TPSD1: variants seen among roughly 807,000 people sequenced by gnomAD.
TPSD1 encodes tryptase delta 1.
A neutral mutation model predicts 25.4 loss-of-function variants in TPSD1; 30 were observed. The ratio of observed to expected loss-of-function variants is 1.18; its 90% confidence interval spans 0.88 to 1.60. The LOEUF is 1.60. Ranked by LOEUF, TPSD1 falls within the 40% of genes most tolerant of loss-of-function variation. The pLI is 0.00. For synonymous variants in TPSD1, 176 were observed against 149.4 expected (o/e 1.18, Z -1.30); for missense variants, 420 against 324.2 (o/e 1.30, Z -2.27).
chr16:1,258,576 G>A lies in TPSD1; in HGVS notation c.*200G>A. On this transcript the variant is annotated 3_prime_UTR_variant, in exon 5 of 5. Coordinates refer to ENST00000211076, the MANE Select transcript of TPSD1 (RefSeq NM_012217.3). ...ACCACCACTGCTTCCTACCCAGGTG[G>A]TGACTGCCCCCCACACCTTCCCCCA... The A allele has an allele frequency of 6.5e-7, 1 of 1,532,720 alleles. No individual in the cohort carries two copies. Among genetic ancestry groups the A allele is most frequent in the Non-Finnish European group, 8.9e-7 (1 of 1,128,080 alleles). 94.9% of individuals were successfully genotyped at this position (1,532,720 alleles called of 1,614,324 possible). A position where few individuals can be genotyped will look rare whatever the true frequency, so the allele number is the denominator to read the frequency against.
rs61742230 is a variant in TPSD1 at position 1,257,025 on chromosome 16, G to A, written c.483G>A (p.Pro161=). The A allele has an allele frequency of 8.7e-4, 1,398 of 1,612,762 alleles. 9 individuals are homozygous for A. The African/African-American group carries it at 0.017, about 20-fold the overall frequency. Residue 161 remains proline (P), a synonymous_variant, in exon 3 of 5, where the codon CCG becomes CCA. Transcript: ENST00000211076. Reference sequence around the variant, plus strand: ...CGGAGACCTTCCCCCCGGGGATGCCGTGCTGGGTCACTGGCTGGGGCGACG... The same window carrying A: ...CGGAGACCTTCCCCCCGGGGATGCCATGCTGGGTCACTGGCTGGGGCGACG... ...PASETFPPGM[P]CWVTGWGDVD...
intron 3 of TPSD1, 159 bp downstream of exon 3, chr16:1,257,221 C>A: frequency 9.4e-7 from 1 of 1,066,820 alleles, no homozygotes; most frequent in Non-Finnish European, 1.3e-6. Flanking sequence ...AGCAGGTGCC[C>A]TGAGCAGAGA....
chr16:1,257,060 A>G lies in TPSD1; in HGVS notation c.518A>G (p.Asn173Ser), dbSNP rs1205027872. ...ACTGGCTGGGGCGACGTGGACAATA[A>G]TGGTGGGTGTTGGGGACAGCGGGAG... ...WVTGWGDVDNNVHLPPPYPLK... is the reference protein window; with the variant it reads ...WVTGWGDVDNSVHLPPPYPLK... Residue 173 changes from asparagine to serine, a missense_variant and splice_region_variant, in exon 3 of 5, where the codon AAT becomes AGT. Coordinates refer to ENST00000211076, the MANE Select transcript of TPSD1 (RefSeq NM_012217.3). The G allele has an allele frequency of 4.4e-6, 7 of 1,606,318 alleles. No individual in the cohort carries two copies. The Admixed American group carries it at 5.1e-5, about 12-fold the overall frequency.
intron 1 of TPSD1, 50 bp from the exon 2 acceptor site, chr16:1,256,466 G>C (rs774944337): frequency 1.2e-6 from 2 of 1,607,864 alleles, no homozygotes; most frequent in African/African-American, 2.7e-5. Flanking sequence ...GGGAAGGGCT[G>C]GTCCCAGGCG....
Position 1,258,358 on chromosome 16 carries a change from C to T in TPSD1, c.711C>T (p.Cys237=), listed in dbSNP as rs1271085992. 1.2e-6 allele frequency: 2 copies of T among 1,613,570 alleles called. No individual in the cohort carries two copies. The highest frequency in any genetic ancestry group is 2.2e-5 in the East Asian group (1 of 44,872). ...GTGACTCTGGAGGGCCCCTGGTCTG[C>T]AAGGTGAATGGCACCTAACTGCAGG... ...CQGDSGGPLV[C]KVNGT Residue 237 remains cysteine, a synonymous_variant, in exon 5 of 5, where the codon TGC becomes TGT. Transcript: ENST00000211076.
chr16:1,258,009 C>T, intron 3 of TPSD1, 50 bp from the exon 4 acceptor site: 1 of 1,537,910 alleles, frequency 6.5e-7, no homozygotes, highest in African/African-American at 1.4e-5. Flanking sequence ...GTCCACGAAG[C>T]AGCACCCAGC....
At position 1,258,649 on chromosome 16, in the gene TPSD1, C is replaced by G. The variant is rs571751781; in HGVS notation, c.*273C>G. On this transcript the variant is annotated 3_prime_UTR_variant, in exon 5 of 5. Coordinates refer to ENST00000211076, the MANE Select transcript of TPSD1 (RefSeq NM_012217.3). ...TGAGCCCTGTCCCCTGTCCTGAGCC[C>G]CCTCCCCTTTCTTGATCCCCTCCCC... is the stretch of plus-strand genomic sequence containing the variant. 27 of 753,124 alleles carry G rather than the reference C, an allele frequency of 3.6e-5. 1 individual carries two copies. The African/African-American group carries it at 4.6e-4, about 13-fold the overall frequency. The allele number at this position is 753,124 out of a possible 1,614,324, so 46.7% of individuals were successfully genotyped here.
rs1184805290 is a variant in TPSD1, at chr16:1,258,328, C to G, written c.685-4C>G. The G allele has an allele frequency of 6.2e-7, 1 of 1,613,504 alleles. No individual in the cohort carries two copies. On this transcript the variant is annotated splice_region_variant and splice_polypyrimidine_tract_variant and intron_variant, in intron 4 of 4. Coordinates refer to ENST00000211076, the MANE Select transcript of TPSD1 (RefSeq NM_012217.3). ...CAGCGAGCACTGACCTCTGACCTTC[C>G]CAGGGTGACTCTGGAGGGCCCCTGG...
intron 3 of TPSD1, 24 bp from the exon 4 acceptor site, chr16:1,258,035 C>A (rs766176688): frequency 8.5e-5 from 132 of 1,557,036 alleles, no homozygotes; most frequent in Admixed American, 1.3e-4. Flanking sequence ...CCAGACCCGG[C>A]TCCACGCCCC....
rs1330678850 is a variant in TPSD1 at position 1,257,052 on chromosome 16, G to A, written c.510G>A (p.Val170=). Residue 170 remains valine (V), a synonymous_variant, in exon 3 of 5, where the codon GTG becomes GTA. Coordinates refer to ENST00000211076, the MANE Select transcript of TPSD1 (RefSeq NM_012217.3). ...MPCWVTGWGD[V]DNNVHLPPPY... is the part of the protein sequence containing the mutation. The stretch of plus-strand genomic sequence containing the variant: ...GCTGGGTCACTGGCTGGGGCGACGT[G>A]GACAATAATGGTGGGTGTTGGGGAC... 1.9e-6 allele frequency: 3 copies of A among 1,608,604 alleles called. No homozygotes were observed. Among genetic ancestry groups the A allele is most frequent in the Non-Finnish European group, 2.5e-6 (3 of 1,177,894 alleles).
chr16:1,258,432 G>A lies in TPSD1; in HGVS notation c.*56G>A. The A allele has an allele frequency of 1.2e-6, 2 of 1,613,074 alleles. No homozygotes were observed. Among genetic ancestry groups the A allele is most frequent in the Admixed American group, 1.7e-5 (1 of 59,946 alleles). ...AGCTGTGCCCAGCCCAACCGGCCTGGCATCTACACCCGTGTCACCTACTAC... is the reference window on the plus strand; with the variant it reads ...AGCTGTGCCCAGCCCAACCGGCCTGACATCTACACCCGTGTCACCTACTAC... On this transcript the variant is annotated 3_prime_UTR_variant, in exon 5 of 5. Coordinates refer to ENST00000211076, the MANE Select transcript of TPSD1 (RefSeq NM_012217.3).
rs1141966 is a variant in TPSD1 at position 1,256,670 on chromosome 16, G to A, written c.237G>A (p.Ala79=). ...SLIHPQWVLT[A]AHCVEPDIKD... is the part of the protein sequence containing the mutation. ...TCCACCCCCAGTGGGTGCTAACCGC[G>A]GCGCACTGCGTGGAACCGTGAGTCT... The change falls in exon 2 of 5, where the codon GCG becomes GCA. Residue 79 remains alanine, a synonymous_variant. Coordinates refer to ENST00000211076, the MANE Select transcript of TPSD1 (RefSeq NM_012217.3). 0.3 allele frequency: 486,518 copies of A among 1,602,410 alleles called. 54,878 individuals carry two copies. The highest frequency in any genetic ancestry group is 0.63 in the East Asian group (27,031 of 43,214).
intron 4 of TPSD1, 25 bp from the exon 5 acceptor site, chr16:1,258,307 G>A: frequency 3.7e-6 from 6 of 1,612,356 alleles, no homozygotes; most frequent in Non-Finnish European, 5.1e-6. Context: ...CCTGGCCAGC[G>A]AGCACTGACC....
chr16:1,257,595 A>G, intron 3 of TPSD1: 1 of 243,306 alleles, frequency 4.1e-6, no homozygotes, highest in Non-Finnish European at 7.9e-6. Context: ...TTTGGGGTAC[A>G]GCCTGAGCGG....
rs2030974942 is a variant in TPSD1, at chr16:1,256,634, G to A, written c.201G>A (p.Gly67=). 5 of 1,612,988 alleles carry A rather than the reference G, an allele frequency of 3.1e-6. No individual in the cohort carries two copies. Among genetic ancestry groups the A allele is most frequent in the Non-Finnish European group, 4.2e-6 (5 of 1,179,712 alleles). The change falls in exon 2 of 5, where the codon GGG becomes GGA. Residue 67 remains glycine (G), a synonymous_variant. Coordinates refer to ENST00000211076, the MANE Select transcript of TPSD1 (RefSeq NM_012217.3). ...VRGPYWMHFC[G]GSLIHPQWVL... ...GCCCATACTGGATGCACTTCTGCGGGGGCTCCCTCATCCACCCCCAGTGGG... is the reference window on the plus strand; with the variant it reads ...GCCCATACTGGATGCACTTCTGCGGAGGCTCCCTCATCCACCCCCAGTGGG...
chr16:1,258,280 C>G, intron 4 of TPSD1, 52 bp from the exon 5 acceptor site: 3 of 1,611,562 alleles, frequency 1.9e-6, no homozygotes, highest in Admixed American at 1.7e-5. Context: ...GCGCATCCCT[C>G]ATCCTGACCC....
intron 3 of TPSD1, chr16:1,257,342 C>T (rs1296996569): frequency 1.5e-5 from 8 of 536,052 alleles, no homozygotes; most frequent in South Asian, 2.6e-5. Context: ...AAAGTTTGTA[C>T]GTCACGGACT....
intron 3 of TPSD1, 171 bp downstream of exon 3, chr16:1,257,233 G>C (rs1002173952): frequency 2.1e-6 from 2 of 955,766 alleles, no homozygotes; most frequent in Admixed American, 5.6e-5. Context: ...GAGCAGAGAC[G>C]GTGAGTCCAA....
At chr16:1,256,451 A>G (rs1204972787) in intron 1 of TPSD1, 65 bp from the exon 2 acceptor site, 5 of 1,608,772 alleles carry the variant, frequency 3.1e-6, no homozygotes, top group Non-Finnish European at 4.2e-6. Context: ...GCTGGCCCCC[A>G]CACAGGGAAG....
Sources: allele counts gnomAD v4.1 joint callset, GRCh38; gene constraint gnomAD v4.1.1; transcripts MANE v1.5; gene names NCBI Gene and HGNC (gene_info 2026-07-23, HGNC 2026-07-21).